The following TSGA10 variants were observed in gnomAD, a reference collection of about 807,000 sequenced individuals.
TSGA10 encodes the protein testis specific 10, also known as testis-specific gene 10 protein.
Under a neutral mutation model 96.6 loss-of-function variants are expected in TSGA10, and 43 were observed. The ratio of observed to expected loss-of-function variants is 0.44; its 90% CI spans 0.35 to 0.57. TSGA10 has a LOEUF of 0.57. Among genes scored for constraint, TSGA10 ranks in the 20% least tolerant of loss-of-function variants. The pLI, the probability that TSGA10 is intolerant of heterozygous loss-of-function variation, is 0.01. For missense variants in TSGA10, 703 were observed against 834.4 expected, an observed-to-expected ratio of 0.84 and a Z score of 1.94; for synonymous variants, 229 against 269.9, an observed-to-expected ratio of 0.85 and a Z score of 1.48.
intron 16 of TSGA10, among the ~76,000 whole-genome samples, chr2:99,048,602 A>G (rs557910110): frequency 2.0e-5 from 3 of 152,172 alleles, no homozygotes; most frequent in Non-Finnish European, 2.9e-5. Flanking sequence ...AAAGACTTAA[A>G]CGTAAGATCT....
intron 10 of TSGA10, among the ~76,000 whole-genome samples, chr2:99,097,688 CA>C (rs2090221856): frequency 6.6e-6 from 1 of 152,024 alleles, no homozygotes; most frequent in African/African-American, 2.4e-5. Flanking sequence ...TAACAGAAAG[CA>C]TACAAGACAT....
At chr2:99,113,295 G>A (rs1316957247) in intron 4 of TSGA10, among the ~76,000 whole-genome samples, 1 of 152,174 alleles carries the variant, frequency 6.6e-6, no homozygotes, top group Non-Finnish European at 1.5e-5. Context: ...AGGAAGTGAT[G>A]AGATATAACT....
At chr2:99,094,251 C>T (rs1160057471) in intron 10 of TSGA10, among the ~76,000 whole-genome samples, 1 of 152,088 alleles carries the variant, frequency 6.6e-6, no homozygotes, top group Non-Finnish European at 1.5e-5. Context: ...CAAAAATCAA[C>T]TCAAGATGGA....
intron 10 of TSGA10, among the ~76,000 whole-genome samples, chr2:99,091,365 T>G (rs1008436384): frequency 1.3e-5 from 2 of 151,958 alleles, no homozygotes; most frequent in Non-Finnish European, 2.9e-5. Flanking sequence ...AGTAAGTAAA[T>G]ACATACATGC....
chr2:99,091,702 CAA>C (rs1187436848), intron 10 of TSGA10, among the ~76,000 whole-genome samples: 1 of 151,940 alleles, frequency 6.6e-6, no homozygotes, highest in Admixed American at 6.6e-5. Flanking sequence ...TTGAAAAAGA[CAA>C]AGAGGGACAT....
At chr2:99,060,831 T>G (rs1293531830) in intron 16 of TSGA10, among the ~76,000 whole-genome samples, 1 of 152,146 alleles carries the variant, frequency 6.6e-6, no homozygotes, top group Non-Finnish European at 1.5e-5. Context: ...AATGATGAAA[T>G]AAGTCTTTTC....
chr2:99,143,326 G>C (rs1456393624), intron 1 of TSGA10, among the ~76,000 whole-genome samples: 1 of 150,420 alleles, frequency 6.6e-6, no homozygotes, highest in Non-Finnish European at 1.5e-5. Context: ...TTTGTTTTTT[G>C]TTTTTTGTAT....
At position 99,020,466 on chromosome 2, in the gene TSGA10, T is replaced by A. The variant is rs374568688; in HGVS notation, c.1631A>T (p.Asp544Val). 3 of 1,611,272 alleles carry A rather than the reference T, an allele frequency of 1.9e-6. No individual in the cohort carries two copies. The African/African-American group carries it at 4.0e-5, about 22-fold the overall frequency. Residue 544 changes from aspartate (D) to valine (V), a missense_variant, in exon 18 of 21, where the codon GAT becomes GTT. This residue lies in a region of TSGA10 where 585 missense variants were observed against 656.8 expected (regional missense o/e 0.89). Transcript: ENST00000393483. ...GAGTTCAATTTCAGAATGAGCAGAATCTAACTCATTCTCCCTCTGTTCAAT... is the reference window on the plus strand; with the variant it reads ...GAGTTCAATTTCAGAATGAGCAGAAACTAACTCATTCTCCCTCTGTTCAAT... ...QEIEMRENEL[D>V]SAHSEIELLR...
chr2:98,997,990 G>A lies in TSGA10; in HGVS notation c.*207C>T, dbSNP rs556604824. The A allele has an allele frequency of 2.0e-6, 1 of 496,794 alleles. No homozygotes were observed. The highest frequency in any genetic ancestry group is 3.3e-5 in the East Asian group (1 of 30,666). The allele number at this position is 496,794 out of a possible 1,614,324, so 30.8% of individuals were successfully genotyped here. On this transcript the variant is annotated 3_prime_UTR_variant, in exon 21 of 21. Transcript: ENST00000393483. The stretch of plus-strand genomic sequence containing the variant: ...TACACTCACTATCACTGCATGGATA[G>A]AAAGAGCCATATACATTTTTGTTTT...
chr2:99,150,336 C>G, intron 1 of TSGA10: 1 of 510,396 alleles, frequency 2.0e-6, no homozygotes, highest in East Asian at 3.2e-5. Context: ...CAAACCCTCC[C>G]ACAAAGAAAA....
At chr2:99,055,929 C>T (rs1184571110) in intron 16 of TSGA10, among the ~76,000 whole-genome samples, 2 of 150,948 alleles carry the variant, frequency 1.3e-5, no homozygotes, top group Admixed American at 6.6e-5. Flanking sequence ...GTCGGCCAGG[C>T]GCGGTGGCTC....
chr2:99,146,810 G>A (rs1463908180), intron 1 of TSGA10, among the ~76,000 whole-genome samples: 1 of 152,122 alleles, frequency 6.6e-6, no homozygotes, highest in African/African-American at 2.4e-5. Flanking sequence ...TGTATTTTTA[G>A]TAGAGACAGA....
At chr2:99,081,248 A>C in intron 11 of TSGA10, 34 bp downstream of exon 11, 1 of 1,258,342 alleles carries the variant, frequency 7.9e-7, no homozygotes, top group Non-Finnish European at 1.1e-6. Flanking sequence ...AACTTAAGAA[A>C]AACTAAAAGT....
intron 17 of TSGA10, among the ~76,000 whole-genome samples, chr2:99,032,916 C>A (rs910722947): frequency 1.1e-4 from 17 of 152,282 alleles, no homozygotes; most frequent in African/African-American, 3.9e-4. Context: ...GGCAACAATG[C>A]TTGTTTCTGT....
chr2:99,078,575 C>A, intron 12 of TSGA10, 84 bp downstream of exon 12: 1 of 1,313,794 alleles, frequency 7.6e-7, no homozygotes, highest in South Asian at 1.5e-5. Context: ...ATATTTTATT[C>A]AGATTCTAGT....
chr2:99,121,940 T>A (rs2092595434), intron 2 of TSGA10, among the ~76,000 whole-genome samples: 1 of 152,238 alleles, frequency 6.6e-6, no homozygotes, highest in Admixed American at 6.5e-5. Flanking sequence ...ATGGTCCATT[T>A]AATTTTTTAT....
At chr2:99,026,331 G>T (rs919295123) in intron 17 of TSGA10, among the ~76,000 whole-genome samples, 2 of 151,650 alleles carry the variant, frequency 1.3e-5, no homozygotes, top group Middle Eastern at 3.2e-3. Flanking sequence ...ATGATATATT[G>T]TTACAATTAT....
At chr2:99,116,404 A>G (rs2092263728) in intron 4 of TSGA10, among the ~76,000 whole-genome samples, 1 of 152,208 alleles carries the variant, frequency 6.6e-6, no homozygotes, top group Admixed American at 6.5e-5. Flanking sequence ...TACAGTAACT[A>G]AAACAATGTG....
chr2:99,005,094 G>T (rs549670263), intron 20 of TSGA10, among the ~76,000 whole-genome samples: 1 of 151,928 alleles, frequency 6.6e-6, no homozygotes, highest in Non-Finnish European at 1.5e-5. Context: ...ATTCAACAAC[G>T]CTTCATGCTA....
Sources: allele counts gnomAD v4.1 joint callset (sites outside exome capture counted in the v4.1 genomes callset), GRCh38; gene constraint gnomAD v4.1.1; regional missense constraint gnomAD v4.1.1; transcripts MANE v1.5; gene names NCBI Gene and HGNC (gene_info 2026-07-23, HGNC 2026-07-21).